Variants in PRDM15 observed in about 807,000 individuals in gnomAD.
PRDM15 encodes the protein PR domain zinc finger protein 15.
In PRDM15, 64 loss-of-function variants were observed where a neutral mutation model predicts 128.6. The ratio of observed to expected loss-of-function variants is 0.50; its 90% CI spans 0.41 to 0.61. The LOEUF (loss-of-function observed/expected upper bound fraction) is 0.61. PRDM15 is among the 20% of genes least tolerant of loss of function. PRDM15 has a pLI of 0.00. For missense variants in PRDM15, 1,242 were observed against 1,569.1 expected (o/e 0.79, Z 3.52); for synonymous variants, 615 against 621.8 (o/e 0.99, Z 0.16).
chr21:41,801,976 T>C (rs115160660), intron 23 of PRDM15, among the ~76,000 whole-genome samples: 3,970 of 152,220 alleles, frequency 0.026, 187 homozygotes, highest in African/African-American at 0.09. Flanking sequence ...TAGAAAAAAG[T>C]AAGCACGAAA....
chr21:41,827,289 T>C (rs1030195738), intron 12 of PRDM15, among the ~76,000 whole-genome samples: 1 of 152,232 alleles, frequency 6.6e-6, no homozygotes, highest in African/African-American at 2.4e-5. Flanking sequence ...ATTCCAGCCT[T>C]GTTTTTTTAA....
At position 41,857,137 on chromosome 21, in the gene PRDM15, C is replaced by A. The variant is rs771796081; in HGVS notation, c.285+39G>T. 2.5e-6 allele frequency: 4 copies of A among 1,582,220 alleles called. No individual in the cohort carries two copies. The East Asian group carries it at 9.1e-5, about 36-fold the overall frequency. ...TTCCCACATGGGAACGCCAGAAAAA[C>A]ACCCAGTTCCTGAGCTCCTGTTTGG... is the stretch of plus-strand genomic sequence containing the variant. On this transcript the variant is annotated intron_variant, in intron 4 of 23. Transcript: ENST00000398548.
Position 41,810,700 on chromosome 21 carries a change from C to A in PRDM15, c.2476+53G>T. The A allele has an allele frequency of 7.0e-7, 1 of 1,436,668 alleles. No individual in the cohort carries two copies. The highest frequency in any genetic ancestry group is 2.3e-5 in the East Asian group (1 of 44,102). 89.0% of individuals were successfully genotyped at this position (1,436,668 alleles called of 1,614,324 possible). A position where few individuals can be genotyped will look rare whatever the true frequency, so the allele number is the denominator to read the frequency against. On this transcript the variant is annotated intron_variant, in intron 20 of 23. Transcript: ENST00000398548. This position sits in a 1 kb window ranked among gnomAD's most constrained non-coding sequence, Gnocchi z 6.4. ...CCACCCCAGCAGGCACTCAGACAGC[C>A]CCGGCAGCCTGCCGCGTGCGCCCCG...
intron 5 of PRDM15, among the ~76,000 whole-genome samples, chr21:41,851,048 G>A (rs980050186): frequency 6.6e-6 from 1 of 152,138 alleles, no homozygotes; most frequent in Admixed American, 6.5e-5. Flanking sequence ...CTGCCAATAC[G>A]GTTCTAGGAG....
chr21:41,869,855 C>A (rs900454475), intron 1 of PRDM15, among the ~76,000 whole-genome samples: 2 of 152,250 alleles, frequency 1.3e-5, no homozygotes, highest in African/African-American at 4.8e-5. Context: ...GTCTACAACG[C>A]CCCATGGCCT....
chr21:41,815,909 T>TG (rs1373357844), intron 18 of PRDM15, 73 bp from the exon 19 acceptor site: 3 of 1,585,948 alleles, frequency 1.9e-6, no homozygotes, highest in Non-Finnish European at 2.6e-6. Context: ...CCCGAGACCC[T>TG]GGGGCAGGCA....
intron 1 of PRDM15, among the ~76,000 whole-genome samples, chr21:41,866,036 C>T (rs2063996936): frequency 6.6e-6 from 1 of 152,304 alleles, no homozygotes; most frequent in African/African-American, 2.4e-5. Flanking sequence ...ACCCCACGCC[C>T]AGCCTCTACT....
chr21:41,825,555 C>A (rs949590439), intron 13 of PRDM15, among the ~76,000 whole-genome samples: 1 of 152,170 alleles, frequency 6.6e-6, no homozygotes, highest in Admixed American at 6.5e-5. Flanking sequence ...ATCCACTGCA[C>A]GGAGGAGACC....
chr21:41,836,389 G>C lies in PRDM15; in HGVS notation c.1183+79C>G, dbSNP rs1262499986. Reference sequence around the variant, plus strand: ...CTCGTGGGAGACGACCCAAGGAGGGGAGACTCCGTGCTGTCCTCCCACCCC... The same window carrying C: ...CTCGTGGGAGACGACCCAAGGAGGGCAGACTCCGTGCTGTCCTCCCACCCC... On this transcript the variant is annotated intron_variant, in intron 9 of 23. Transcript: ENST00000398548. 3 of 1,454,862 alleles carry C rather than the reference G, an allele frequency of 2.1e-6. No homozygotes were observed. In the African/African-American group the frequency reaches 4.2e-5, roughly 20 times the overall value. The allele number at this position is 1,454,862 out of a possible 1,614,324, so 90.1% of individuals were successfully genotyped here.
intron 18 of PRDM15, among the ~76,000 whole-genome samples, chr21:41,816,364 C>A (rs535871061): frequency 6.6e-6 from 1 of 152,322 alleles, no homozygotes; most frequent in South Asian, 2.1e-4. Flanking sequence ...GGTTGTGGTG[C>A]GCTGGCAGGG....
In PRDM15 at chr21:41,801,099, G is replaced by A; in HGVS notation, c.*141C>T. ...CAGACCGTAATGGTTGCTGGCGGGG[G>A]ATCTGGAGATACTCTGCAAAGCTAA... On this transcript the variant is annotated 3_prime_UTR_variant, in exon 24 of 24. Coordinates refer to ENST00000398548, the MANE Select transcript of PRDM15 (RefSeq NM_001040424.3). 2 of 1,217,166 alleles carry A rather than the reference G, an allele frequency of 1.6e-6. No homozygotes were observed. Among genetic ancestry groups the A allele is most frequent in the South Asian group, 3.2e-5 (2 of 62,454 alleles). The allele number at this position is 1,217,166 out of a possible 1,614,324, so 75.4% of individuals were successfully genotyped here. A position where few individuals can be genotyped will look rare whatever the true frequency, so the allele number is the denominator to read the frequency against.
chr21:41,839,014 G>A (rs944584685), intron 7 of PRDM15, among the ~76,000 whole-genome samples: 1 of 152,202 alleles, frequency 6.6e-6, no homozygotes, highest in Non-Finnish European at 1.5e-5. Context: ...GGCTTGGATG[G>A]GGGCTGTGTG....
At chr21:41,839,575 G>T in intron 7 of PRDM15, 48 bp downstream of exon 7, 1 of 1,552,186 alleles carries the variant, frequency 6.4e-7, no homozygotes, top group Non-Finnish European at 8.9e-7. Context: ...CGGGCGCCAG[G>T]AGGGCTGCGC....
intron 5 of PRDM15, among the ~76,000 whole-genome samples, chr21:41,851,711 A>AAGCCAGAGCTCAACAGG (rs1469042804): frequency 2.0e-5 from 3 of 152,178 alleles, no homozygotes; most frequent in Admixed American, 6.5e-5. Context: ...TTCAAGGGCC[A>AAGCCAGAGCTCAACAGG]AGCCAGAGCT....
intron 11 of PRDM15, among the ~76,000 whole-genome samples, chr21:41,830,452 C>G (rs2062647678): frequency 6.6e-6 from 1 of 151,508 alleles, no homozygotes; most frequent in Admixed American, 6.6e-5. Flanking sequence ...ACACTGAACA[C>G]ATACCACACA....
chr21:41,820,917 AGCCCTGCTGCGCCCCCAGCTCTG>A, intron 16 of PRDM15, 127 bp downstream of exon 16: 1 of 975,732 alleles, frequency 1.0e-6, no homozygotes, highest in Non-Finnish European at 1.6e-6. Flanking sequence ...GCTGCCCCCG[AGCCCTGCTGCGCCCCCAGCTCTG>A]GCCCTGAGAC....
At chr21:41,822,154 TG>T (rs2146402331) in intron 14 of PRDM15, 117 bp from the exon 15 acceptor site, 1 of 1,412,008 alleles carries the variant, frequency 7.1e-7, no homozygotes, top group East Asian at 2.3e-5. Flanking sequence ...GCCTCTCTGA[TG>T]CCCGTGGCGC....
intron 21 of PRDM15, among the ~76,000 whole-genome samples, chr21:41,809,468 T>C (rs942410546): frequency 1.3e-5 from 2 of 152,158 alleles, no homozygotes; most frequent in Admixed American, 6.5e-5. Flanking sequence ...CTTAACCTCG[T>C]GATCCACTCG....
chr21:41,802,511 A>C (rs1044978668), intron 23 of PRDM15, among the ~76,000 whole-genome samples: 1 of 152,244 alleles, frequency 6.6e-6, no homozygotes, highest in Non-Finnish European at 1.5e-5. Context: ...AACAATGACA[A>C]GCATGATTTG....
Sources: gnomAD v4.1 joint callset for allele counts (sites outside exome capture counted in the v4.1 genomes callset) on GRCh38, gnomAD v4.1.1 for gene constraint, Gnocchi (gnomAD v3.1) non-coding constraint, MANE v1.5 for transcripts, NCBI Gene and HGNC (gene_info 2026-07-23, HGNC 2026-07-21) for gene names.